The following DOC2B variants were observed in gnomAD, a reference collection of about 807,000 sequenced individuals.
DOC2B encodes double C2-like domain-containing protein beta.
Under a neutral mutation model 28.9 loss-of-function variants are expected in DOC2B, and 21 were observed. The ratio of observed to expected loss-of-function variants is 0.73; its 90% CI spans 0.52 to 1.05. The LOEUF (loss-of-function observed/expected upper bound fraction) is 1.05, where lower values mean the gene tolerates loss of function less well. Ranked by LOEUF, DOC2B falls within the 50% of genes least tolerant of loss-of-function variation. DOC2B has a pLI of 0.00. For missense variants in DOC2B, 384 were observed against 421.1 expected (o/e 0.91, Z 0.77); for synonymous variants, 194 against 178.1 (o/e 1.09, Z -0.71).
intron 1 of DOC2B, among the ~76,000 whole-genome samples, chr17:177,321 C>T (rs1488481270): frequency 6.6e-6 from 1 of 152,178 alleles, no homozygotes; most frequent in African/African-American, 2.4e-5. Context: ...TCAGTTCAAC[C>T]TCCTTGGTGT....
chr17:177,502 C>A (rs1365912887), intron 1 of DOC2B, among the ~76,000 whole-genome samples: 2 of 152,230 alleles, frequency 1.3e-5, no homozygotes, highest in Non-Finnish European at 2.9e-5. Context: ...TTCCTCTTTT[C>A]CCTCTGTCAG....
Position 181,003 on chromosome 17 carries a change from G to T in DOC2B, c.373+104C>A. ...CGGCGGGGTTGTGAACCGAGGCAGA[G>T]CGCGAGCGCGCGAGGGGGACCGGCG... On this transcript the variant is annotated intron_variant, in intron 1 of 8. Coordinates refer to ENST00000613549, the MANE Select transcript of DOC2B (RefSeq NM_003585.5). This position sits in a 1 kb window ranked among gnomAD's most constrained non-coding sequence, Gnocchi z 7.0. 1.0e-6 allele frequency: 1 copy of T among 1,002,544 alleles called. No homozygotes were observed. The highest frequency in any genetic ancestry group is 1.3e-6 in the Non-Finnish European group (1 of 785,174). 62.1% of individuals were successfully genotyped at this position (1,002,544 alleles called of 1,614,324 possible). A position where few individuals can be genotyped will look rare whatever the true frequency, so the allele number is the denominator to read the frequency against.
At chr17:154,448 C>T (rs2040110481) in intron 6 of DOC2B, among the ~76,000 whole-genome samples, 1 of 152,134 alleles carries the variant, frequency 6.6e-6, no homozygotes, top group South Asian at 2.1e-4. Context: ...CACGCACCTG[C>T]TACACTCCTT....
chr17:158,764 G>A (rs2040164750), intron 5 of DOC2B, among the ~76,000 whole-genome samples: 1 of 152,188 alleles, frequency 6.6e-6, no homozygotes. Flanking sequence ...ACTAGCAGGG[G>A]CCAGGCACAG....
chr17:174,491 T>C (rs751429683), intron 1 of DOC2B, among the ~76,000 whole-genome samples: 1 of 152,220 alleles, frequency 6.6e-6, no homozygotes, highest in Non-Finnish European at 1.5e-5. Context: ...AATTGGCTCA[T>C]TTCCCTCCCT....
intron 2 of DOC2B, among the ~76,000 whole-genome samples, chr17:169,243 A>T (rs913987375): frequency 9.2e-5 from 14 of 152,138 alleles, no homozygotes; most frequent in African/African-American, 3.4e-4. Flanking sequence ...GATCCCGGGG[A>T]CTGCAGACTC....
chr17:153,882 C>A (rs1236763496), intron 6 of DOC2B, among the ~76,000 whole-genome samples: 1 of 152,134 alleles, frequency 6.6e-6, no homozygotes, highest in African/African-American at 2.4e-5. Flanking sequence ...AATAATTCCT[C>A]TAGTTCAAAT....
chr17:152,802 TA>T (rs2151459806), intron 6 of DOC2B, among the ~76,000 whole-genome samples: 1 of 151,984 alleles, frequency 6.6e-6, no homozygotes, highest in South Asian at 2.1e-4. Context: ...AGAAAACAAA[TA>T]AAAATAATAG....
chr17:177,710 G>T (rs755767587), intron 1 of DOC2B, among the ~76,000 whole-genome samples: 1 of 152,268 alleles, frequency 6.6e-6, no homozygotes, highest in Non-Finnish European at 1.5e-5. Context: ...CACAGAGCCT[G>T]CCACATAGTT....
At chr17:165,631 G>A (rs778576647) in intron 2 of DOC2B, among the ~76,000 whole-genome samples, 14 of 152,250 alleles carry the variant, frequency 9.2e-5, no homozygotes, top group African/African-American at 1.2e-4. Context: ...GTGAGACGCC[G>A]GAGAAGCGGT....
intron 1 of DOC2B, among the ~76,000 whole-genome samples, chr17:175,095 G>A (rs112698438): frequency 0.051 from 7,695 of 152,282 alleles, 210 homozygotes; most frequent in Non-Finnish European, 0.064. Flanking sequence ...AAAAATAGCC[G>A]GGCATGGTGG....
chr17:176,095 G>A lies in DOC2B; in HGVS notation c.374-3479C>T, dbSNP rs936874579. ...TTAGAGAAATGAGGCTCAGAGAGGGGAGGGGAGCTGCTCAGCGTGGCCCAG... is the reference window on the plus strand; with the variant it reads ...TTAGAGAAATGAGGCTCAGAGAGGGAAGGGGAGCTGCTCAGCGTGGCCCAG... On this transcript the variant is annotated intron_variant, in intron 1 of 8. Transcript: ENST00000613549. 2.0e-5 allele frequency among the ~76,000 whole-genome samples: 3 copies of A among 152,206 alleles called. No individual in the cohort carries two copies. The South Asian group carries it at 6.2e-4, about 31-fold the overall frequency.
In DOC2B at chr17:144,653, G is replaced by C. The variant is rs1468498820; in HGVS notation, c.*2788C>G. On this transcript the variant is annotated 3_prime_UTR_variant, in exon 9 of 9. Transcript: ENST00000613549. ...CAAACTTCCTGGGGAGTTCCTGCCC[G>C]AGTGCCTGTGCTGCCCCTGGGCTGG... 6.6e-6 allele frequency: 1 copy of C among 152,282 alleles called. No individual in the cohort carries two copies. Among genetic ancestry groups the C allele is most frequent in the Non-Finnish European group, 1.5e-5 (1 of 68,094 alleles). The allele number at this position is 152,282 out of a possible 1,614,324, so 9.4% of individuals were successfully genotyped here.
intron 1 of DOC2B, among the ~76,000 whole-genome samples, chr17:176,019 G>A (rs186691585): frequency 1.2e-3 from 190 of 152,320 alleles, no homozygotes; most frequent in Non-Finnish European, 2.3e-3. Context: ...AGTTTTGAGA[G>A]GCTGGTGAAG....
chr17:158,667 C>A (rs1391161409), intron 5 of DOC2B, among the ~76,000 whole-genome samples: 1 of 152,236 alleles, frequency 6.6e-6, no homozygotes, highest in Non-Finnish European at 1.5e-5. Context: ...TCGCTATCTG[C>A]CGCTCAGGCA....
intron 1 of DOC2B, among the ~76,000 whole-genome samples, chr17:178,297 C>T (rs1334757024): frequency 6.6e-6 from 1 of 152,242 alleles, no homozygotes; most frequent in Non-Finnish European, 1.5e-5. Context: ...AGAACCATCA[C>T]CCCAACAGTG....
At chr17:156,838 C>G (rs1465591575) in intron 5 of DOC2B, among the ~76,000 whole-genome samples, 4 of 152,230 alleles carry the variant, frequency 2.6e-5, no homozygotes, top group Non-Finnish European at 5.9e-5. Flanking sequence ...CTTGGCCTCC[C>G]AAAGTGCTGG....
Position 181,369 on chromosome 17 carries a change from G to A in DOC2B, c.111C>T (p.Phe37=), listed in dbSNP as rs1028901711. The change falls in exon 1 of 9, where the codon TTC becomes TTT. Residue 37 remains phenylalanine (F), a synonymous_variant. Transcript: ENST00000613549. The surrounding 1 kb of genome is among the most constrained non-coding windows in gnomAD (Gnocchi z 7.0). ...GGGGCAGGCCCCGCGGGAAGCGGGG[G>A]AAGTAGTCGGAGATCTGCTTGATGG... ...IRPIKQISDY[F]PRFPRGLPPD... The A allele has an allele frequency of 3.5e-6, 4 of 1,137,318 alleles. No homozygotes were observed. The highest frequency in any genetic ancestry group is 4.5e-5 in the Admixed American group (1 of 22,060). 70.5% of individuals were successfully genotyped at this position (1,137,318 alleles called of 1,614,324 possible). A position where few individuals can be genotyped will look rare whatever the true frequency, so the allele number is the denominator to read the frequency against.
chr17:165,065 C>T (rs545629713), intron 2 of DOC2B, among the ~76,000 whole-genome samples: 61 of 152,252 alleles, frequency 4.0e-4, no homozygotes, highest in Non-Finnish European at 6.3e-4. Flanking sequence ...CTGGGGGATG[C>T]GGCAGGGGCT....
Sources: gnomAD v4.1 joint callset for allele counts (sites outside exome capture counted in the v4.1 genomes callset) on GRCh38, gnomAD v4.1.1 for gene constraint, Gnocchi (gnomAD v3.1) non-coding constraint, MANE v1.5 for transcripts, NCBI Gene and HGNC (gene_info 2026-07-23, HGNC 2026-07-21) for gene names.